The following OR2G6 variants were observed in gnomAD, a reference collection of about 807,000 sequenced individuals.
OR2G6 encodes the protein olfactory receptor family 2 subfamily G member 6, also known as olfactory receptor 2G6.
For missense variants in OR2G6, 457 were observed against 391.3 expected (o/e 1.17, Z -1.42); for synonymous variants, 183 against 155.2 (o/e 1.18, Z -1.33).
chr1:248,522,431 C>T lies in OR2G6; in HGVS notation c.785C>T (p.Pro262Leu), dbSNP rs146486539. 23 of 1,614,018 alleles carry T rather than the reference C, an allele frequency of 1.4e-5. No individual in the cohort carries two copies. The highest frequency in any genetic ancestry group is 1.1e-4 in the African/African-American group (8 of 74,900). The change falls in exon 2 of 2, where the codon CCG becomes CTG. Residue 262 changes from proline (P) to leucine (L), a missense_variant. Pro to Leu is a moderately conservative substitution (Grantham distance 98). Transcript: ENST00000641804. ...ACCATCATATTCATGTACCTTCAAC[C>T]GGCCAATAGGAGATCCAAAAACCAG... is the stretch of plus-strand genomic sequence containing the variant. ...YGTIIFMYLQPANRRSKNQGK... is the reference protein window; with the variant it reads ...YGTIIFMYLQLANRRSKNQGK...
intron 1 of OR2G6, 31 bp from the exon 2 acceptor site, chr1:248,521,580 T>C: frequency 8.8e-7 from 1 of 1,137,492 alleles, no homozygotes; most frequent in Non-Finnish European, 1.3e-6. Context: ...TTGACCTCAT[T>C]ACTTTCTATC....
rs200497577 is a variant in OR2G6 at position 248,522,132 on chromosome 1, C to T, written c.486C>T (p.Leu162=). The part of the protein sequence containing the change: ...GLITSLIQCS[L]TVQLPLCGHR... ...TCACCTCCCTAATTCAGTGCTCCCT[C>T]ACTGTGCAGCTGCCCCTCTGTGGTC... Residue 162 remains leucine (L), a synonymous_variant, in exon 2 of 2, where the codon CTC becomes CTT. Coordinates refer to ENST00000641804, the MANE Select transcript of OR2G6 (RefSeq NM_001013355.2). The T allele has an allele frequency of 1.4e-5, 22 of 1,612,378 alleles. No homozygotes were observed. The highest frequency in any genetic ancestry group is 2.7e-5 in the African/African-American group (2 of 75,046).
In OR2G6 at chr1:248,522,693, G is replaced by A. The variant is rs1336404705; in HGVS notation, c.*96G>A. 1.3e-6 allele frequency: 1 copy of A among 766,254 alleles called. No homozygotes were observed. Among genetic ancestry groups the A allele is most frequent in the Non-Finnish European group, 2.1e-6 (1 of 483,846 alleles). 47.5% of individuals were successfully genotyped at this position (766,254 alleles called of 1,614,324 possible). A position where few individuals can be genotyped will look rare whatever the true frequency, so the allele number is the denominator to read the frequency against. ...CTCTTGTCAATCCCAAAGCCACAGGGACTAGGAAGCATTGGAATTCTAAAG... is the reference window on the plus strand; with the variant it reads ...CTCTTGTCAATCCCAAAGCCACAGGAACTAGGAAGCATTGGAATTCTAAAG... On this transcript the variant is annotated 3_prime_UTR_variant, in exon 2 of 2. Coordinates refer to ENST00000641804, the MANE Select transcript of OR2G6 (RefSeq NM_001013355.2).
intron 1 of OR2G6, among the ~76,000 whole-genome samples, chr1:248,520,285 G>T (rs185694488): frequency 6.6e-6 from 1 of 152,114 alleles, no homozygotes; most frequent in South Asian, 2.1e-4. Context: ...TGGGTTGGGG[G>T]GCTAGGAAGG....
In OR2G6 at chr1:248,521,632, G is replaced by A; in HGVS notation, c.-15G>A. 6.3e-7 allele frequency: 1 copy of A among 1,586,686 alleles called. No individual in the cohort carries two copies. The highest frequency in any genetic ancestry group is 8.6e-7 in the Non-Finnish European group (1 of 1,158,272). ...TTAGTATTTGAAGCTGAAGAGTCCT[G>A]AAGCTGCAGGAAAAATGGAGGAAAC... On this transcript the variant is annotated 5_prime_UTR_variant, in exon 2 of 2. Coordinates refer to ENST00000641804, the MANE Select transcript of OR2G6 (RefSeq NM_001013355.2).
In OR2G6 at chr1:248,522,703, CA is replaced by C; in HGVS notation, c.*107del. On this transcript the variant is annotated 3_prime_UTR_variant, in exon 2 of 2. Coordinates refer to ENST00000641804, the MANE Select transcript of OR2G6 (RefSeq NM_001013355.2). ...TCCCAAAGCCACAGGGACTAGGAAG[CA>C]TTGGAATTCTAAAGAAGGGAAACAC... 1.4e-6 allele frequency: 1 copy of C among 706,494 alleles called. No homozygotes were observed. Among genetic ancestry groups the C allele is most frequent in the Non-Finnish European group, 2.3e-6 (1 of 433,392 alleles). The allele number at this position is 706,494 out of a possible 1,614,324, so 43.8% of individuals were successfully genotyped here.
At position 248,522,629 on chromosome 1, in the gene OR2G6, C is replaced by G; in HGVS notation, c.*32C>G. ...CCTGGAATTCTAAACAAGGGAAACA[C>G]CTCAAGGCAGAGTGAGGGTTCATCC... On this transcript the variant is annotated 3_prime_UTR_variant, in exon 2 of 2. Coordinates refer to ENST00000641804, the MANE Select transcript of OR2G6 (RefSeq NM_001013355.2). 1 of 1,450,394 alleles carries G rather than the reference C, an allele frequency of 6.9e-7. No homozygotes were observed. The allele number at this position is 1,450,394 out of a possible 1,614,324, so 89.8% of individuals were successfully genotyped here. A position where few individuals can be genotyped will look rare whatever the true frequency, so the allele number is the denominator to read the frequency against.
chr1:248,520,881 TA>T (rs1664270191), intron 1 of OR2G6, among the ~76,000 whole-genome samples: 1 of 139,766 alleles, frequency 7.2e-6, no homozygotes, highest in South Asian at 2.2e-4. Flanking sequence ...AAAATATATA[TA>T]TATACACACA....
At chr1:248,519,647 T>G (rs9660160) in intron 1 of OR2G6, among the ~76,000 whole-genome samples, 12,955 of 152,130 alleles carry the variant, frequency 0.085, 913 homozygotes, top group East Asian at 0.37. Flanking sequence ...GTTGTAGATG[T>G]GCGGTGTTAT....
At position 248,523,456 on chromosome 1, in the gene OR2G6, TAA is replaced by T. The variant is rs1246182576; in HGVS notation, c.*862_*863del. 6.6e-6 allele frequency: 1 copy of T among 151,530 alleles called. No individual in the cohort carries two copies. The highest frequency in any genetic ancestry group is 2.4e-5 in the African/African-American group (1 of 41,342). The allele number at this position is 151,530 out of a possible 1,614,324, so 9.4% of individuals were successfully genotyped here. On this transcript the variant is annotated 3_prime_UTR_variant, in exon 2 of 2. Transcript: ENST00000641804. ...TGTTTTAACATTTATACAAAATTCATAAAATAAGTTATTGTTTTTGGCCTTAA... is the reference window on the plus strand; with the variant it reads ...TGTTTTAACATTTATACAAAATTCATAATAAGTTATTGTTTTTGGCCTTAA...
chr1:248,521,958 C>T lies in OR2G6; in HGVS notation c.312C>T (p.Ala104=), dbSNP rs755800814. The change falls in exon 2 of 2, where the codon GCC becomes GCT. Residue 104 remains alanine, a synonymous_variant. Coordinates refer to ENST00000641804, the MANE Select transcript of OR2G6 (RefSeq NM_001013355.2). ...YGGCVAQLYV[A]MGLGSSECIL... Reference sequence around the variant, plus strand: ...GCTGTGTGGCCCAGCTCTATGTGGCCATGGGGTTGGGCTCGTCTGAGTGTA... The same window carrying T: ...GCTGTGTGGCCCAGCTCTATGTGGCTATGGGGTTGGGCTCGTCTGAGTGTA... 11 of 1,614,148 alleles carry T rather than the reference C, an allele frequency of 6.8e-6. No homozygotes were observed. In the South Asian group the frequency reaches 9.9e-5, roughly 15 times the overall value.
rs1664285429 is a variant in OR2G6, at chr1:248,521,600, T to TAATC, written c.-36-9_-36-6dup. 1 of 1,339,086 alleles carries TAATC rather than the reference T, an allele frequency of 7.5e-7. No homozygotes were observed. Among genetic ancestry groups the TAATC allele is most frequent in the Non-Finnish European group, 1.0e-6 (1 of 953,280 alleles). 83.0% of individuals were successfully genotyped at this position (1,339,086 alleles called of 1,614,324 possible). On this transcript the variant is annotated splice_polypyrimidine_tract_variant and intron_variant, in intron 1 of 1. Coordinates refer to ENST00000641804, the MANE Select transcript of OR2G6 (RefSeq NM_001013355.2). ...CTCATTACTTTCTATCCCCAAATATTAATCACTTAGTATTTGAAGCTGAAG... is the reference window on the plus strand; with the variant it reads ...CTCATTACTTTCTATCCCCAAATATTAATCAATCACTTAGTATTTGAAGCTGAAG...
chr1:248,522,046 G>A lies in OR2G6; in HGVS notation c.400G>A (p.Ala134Thr). The A allele has an allele frequency of 1.9e-6, 3 of 1,614,128 alleles. No homozygotes were observed. Among genetic ancestry groups the A allele is most frequent in the Non-Finnish European group, 2.5e-6 (3 of 1,180,032 alleles). ...TGTCTGCCGGCCACTGCGCTACATA[G>A]CCATTATGCACCCCAGGTTCTGTGC... is the stretch of plus-strand genomic sequence containing the variant. ...AAVCRPLRYI[A>T]IMHPRFCASL... is the part of the protein sequence containing the mutation. Residue 134 changes from alanine (A) to threonine (T), a missense_variant, in exon 2 of 2, where the codon GCC (alanine) becomes ACC (threonine). Ala to Thr is a moderately conservative substitution (Grantham distance 58). Transcript: ENST00000641804.
Position 248,521,607 on chromosome 1 carries a change from T to G in OR2G6, c.-36-4T>G. The stretch of plus-strand genomic sequence containing the variant: ...CTTTCTATCCCCAAATATTAATCAC[T>G]TAGTATTTGAAGCTGAAGAGTCCTG... On this transcript the variant is annotated splice_polypyrimidine_tract_variant and splice_region_variant and intron_variant, in intron 1 of 1. Coordinates refer to ENST00000641804, the MANE Select transcript of OR2G6 (RefSeq NM_001013355.2). 1 of 1,387,558 alleles carries G rather than the reference T, an allele frequency of 7.2e-7. No individual in the cohort carries two copies. The highest frequency in any genetic ancestry group is 1.4e-5 in the African/African-American group (1 of 69,720). The allele number at this position is 1,387,558 out of a possible 1,614,324, so 86.0% of individuals were successfully genotyped here.
chr1:248,509,230 A>T (rs1431215660), intron 1 of OR2G6, among the ~76,000 whole-genome samples: 1 of 12,356 alleles, frequency 8.1e-5, no homozygotes, highest in African/African-American at 5.5e-4. Context: ...AATACTTGAT[A>T]CACGGCACAA....
Position 248,527,048 on chromosome 1 carries a change from A to C in OR2G6, c.*4451A>C, listed in dbSNP as rs1381872012. On this transcript the variant is annotated 3_prime_UTR_variant, in exon 2 of 2. Coordinates refer to ENST00000641804, the MANE Select transcript of OR2G6 (RefSeq NM_001013355.2). ...TTGTTGCCATTGCTTTTGGTGTTTT[A>C]GACATGAAGTCCTTATCCATGCCTA... The C allele has an allele frequency of 6.6e-6, 1 of 152,170 alleles. No homozygotes were observed. The highest frequency in any genetic ancestry group is 2.4e-5 in the African/African-American group (1 of 41,438). The allele number at this position is 152,170 out of a possible 1,614,324, so 9.4% of individuals were successfully genotyped here.
In OR2G6 at chr1:248,522,302, GCT is replaced by G. The variant is rs1664307935; in HGVS notation, c.657_658del (p.Phe220TyrfsTer45). 1.2e-6 allele frequency: 2 copies of G among 1,614,010 alleles called. No homozygotes were observed. Among genetic ancestry groups the G allele is most frequent in the African/African-American group, 1.3e-5 (1 of 74,906 alleles). ...GTGTTACTCATCTTAGTCTCCTATGGCTTTATCACTCAAGCTGTGTTAAGGAT... is the reference window on the plus strand; with the variant it reads ...GTGTTACTCATCTTAGTCTCCTATGGTTATCACTCAAGCTGTGTTAAGGAT... On this transcript the variant is annotated frameshift_variant, in exon 2 of 2. Transcript: ENST00000641804. LOFTEE classifies it low-confidence loss of function (END_TRUNC).
At chr1:248,520,280 TG>T (rs938763404) in intron 1 of OR2G6, among the ~76,000 whole-genome samples, 1 of 151,948 alleles carries the variant, frequency 6.6e-6, no homozygotes, top group African/African-American at 2.4e-5. Flanking sequence ...GTTGGTGGGT[TG>T]GGGGGCTAGG....
chr1:248,520,954 G>T (rs1295063225), intron 1 of OR2G6, among the ~76,000 whole-genome samples: 1 of 145,550 alleles, frequency 6.9e-6, no homozygotes, highest in Non-Finnish European at 1.5e-5. Context: ...TAAGGCAGGA[G>T]AATTGCTTGA....
Sources: allele counts gnomAD v4.1 joint callset (sites outside exome capture counted in the v4.1 genomes callset), GRCh38; gene constraint gnomAD v4.1.1; transcripts MANE v1.5; gene names NCBI Gene and HGNC (gene_info 2026-07-23, HGNC 2026-07-21).